Variants in SLC44A4 observed in about 807,000 individuals in gnomAD.
SLC44A4 encodes choline transporter-like protein 4.
Under a neutral mutation model 97.0 loss-of-function variants are expected in SLC44A4, and 74 were observed. The observed-to-expected ratio is 0.76, with a 90% CI of 0.63 to 0.93. The LOEUF (loss-of-function observed/expected upper bound fraction) is 0.93. Among genes scored for constraint, SLC44A4 ranks in the 40% least tolerant of loss-of-function variants. The probability of loss-of-function intolerance (pLI) is 0.00; values close to 1 mark genes in which losing one functional copy is unlikely to be tolerated. For missense variants in SLC44A4, 799 were observed against 902.9 expected (o/e 0.88, Z 1.48); for synonymous variants, 325 against 363.8 (o/e 0.89, Z 1.21).
Position 31,877,528 on chromosome 6 carries a change from G to T in SLC44A4, c.41-446C>A. On this transcript the variant is annotated intron_variant, in intron 1 of 20. Transcript: ENST00000229729. This position sits in a 1 kb window ranked among gnomAD's most constrained non-coding sequence, Gnocchi z 6.5. ...CCCACAGCCCCTCAGGGAGGTCATG[G>T]CCTCTTCCCCTATCTGCCCCAGGCC... is the stretch of plus-strand genomic sequence containing the variant. 1 of 908,376 alleles carries T rather than the reference G, an allele frequency of 1.1e-6. No individual in the cohort carries two copies. The highest frequency in any genetic ancestry group is 1.3e-6 in the Non-Finnish European group (1 of 753,796). 56.3% of individuals were successfully genotyped at this position (908,376 alleles called of 1,614,324 possible). A position where few individuals can be genotyped will look rare whatever the true frequency, so the allele number is the denominator to read the frequency against.
At chr6:31,871,227 G>T in intron 9 of SLC44A4, 87 bp downstream of exon 9, 2 of 1,405,688 alleles carry the variant, frequency 1.4e-6, no homozygotes, top group Non-Finnish European at 1.0e-6. Context: ...TCTGTCCAAA[G>T]CCTGTGTTTC....
rs912342493 is a variant in SLC44A4, at chr6:31,875,853, T to C, written c.241A>G (p.Lys81Glu). 1 of 1,608,918 alleles carries C rather than the reference T, an allele frequency of 6.2e-7. No individual in the cohort carries two copies. Among genetic ancestry groups the C allele is most frequent in the Non-Finnish European group, 8.5e-7 (1 of 1,177,102 alleles). Residue 81 changes from lysine (K) to glutamate (E), a missense_variant and splice_region_variant, in exon 4 of 21, where the codon AAA becomes GAA. By Grantham distance (56) the Lys-to-Glu change is moderately conservative (BLOSUM62 1). This residue lies in a region of SLC44A4 where 409 missense variants were observed against 434.1 expected (regional missense o/e 0.94). Transcript: ENST00000229729. ...TCCTCTTCTCGCCTTTGTACTCACT[T>C]GTTCTCCCCCATGCCACAGTAGGCC... ...TGAYCGMGENKDKPYLLYFNI... is the reference protein window; with the variant it reads ...TGAYCGMGENEDKPYLLYFNI...
chr6:31,875,186 A>C (rs1018499709), intron 4 of SLC44A4, among the ~76,000 whole-genome samples, 158 bp from the exon 5 acceptor site: 7 of 152,298 alleles, frequency 4.6e-5, no homozygotes, highest in Non-Finnish European at 8.8e-5. Flanking sequence ...CTGGGGAGGT[A>C]GGGAGATGCC....
intron 13 of SLC44A4, among the ~76,000 whole-genome samples, chr6:31,868,563 A>G (rs1324282568): frequency 2.0e-5 from 3 of 152,256 alleles, no homozygotes; most frequent in East Asian, 3.9e-4. Context: ...TTGCTTGGGT[A>G]CCTGACTACA....
rs1319071524 is a variant in SLC44A4, at chr6:31,864,677, A to G, written c.1986T>C (p.Cys662=). The change falls in exon 20 of 21, where the codon TGT becomes TGC. Residue 662 remains cysteine (C), a synonymous_variant. Transcript: ENST00000229729. ...ASGFFSVFGM[C]VDTLFLCFLE... is the part of the protein sequence containing the mutation. ...GGAAGCAGAGGAAGAGCGTGTCCAC[A>G]CACATGCCGAAAACGCTGAAGAAGC... The G allele has an allele frequency of 6.2e-6, 10 of 1,613,844 alleles. No homozygotes were observed. Among genetic ancestry groups the G allele is most frequent in the Non-Finnish European group, 8.5e-6 (10 of 1,179,996 alleles).
At chr6:31,872,721 G>A (rs1763239098) in intron 7 of SLC44A4, among the ~76,000 whole-genome samples, 1 of 152,178 alleles carries the variant, frequency 6.6e-6, no homozygotes. Flanking sequence ...TAAAGATGAG[G>A]AAACAAGGTT....
chr6:31,869,065 G>T, intron 13 of SLC44A4, 90 bp downstream of exon 13: 4 of 1,078,704 alleles, frequency 3.7e-6, no homozygotes, highest in South Asian at 1.7e-5. Context: ...GCCCTCTGTG[G>T]CCTCAGTCTT....
chr6:31,865,247 C>G lies in SLC44A4; in HGVS notation c.1760+68G>C. ...CTAGGGCCCGACTGAGCACAGCACA[C>G]CCACGAAGCCAGCCTTGGGTGGGAG... is the stretch of plus-strand genomic sequence containing the variant. On this transcript the variant is annotated intron_variant, in intron 17 of 20. Coordinates refer to ENST00000229729, the MANE Select transcript of SLC44A4 (RefSeq NM_025257.3). The surrounding 1 kb of genome is among the most constrained non-coding windows in gnomAD (Gnocchi z 5.2). The G allele has an allele frequency of 6.3e-7, 1 of 1,588,912 alleles. No individual in the cohort carries two copies. The highest frequency in any genetic ancestry group is 8.6e-7 in the Non-Finnish European group (1 of 1,157,226).
In SLC44A4 at chr6:31,878,768, C is replaced by G. The variant is rs560929303; in HGVS notation, c.40+173G>C. ...AACAGCCCCAGCCCCCGGGCCCCAT[C>G]CTCCTCCCAGGACCCTGACTCCCTC... On this transcript the variant is annotated intron_variant, in intron 1 of 20. Transcript: ENST00000229729. This position sits in a 1 kb window ranked among gnomAD's most constrained non-coding sequence, Gnocchi z 4.0. 6.6e-6 allele frequency among the ~76,000 whole-genome samples: 1 copy of G among 152,076 alleles called. No homozygotes were observed. The highest frequency in any genetic ancestry group is 2.4e-5 in the African/African-American group (1 of 41,424).
At position 31,877,395 on chromosome 6, in the gene SLC44A4, C is replaced by T. The variant is rs184278535; in HGVS notation, c.41-313G>A. ...CTTGGTCCCCTGCCCTACCCTGGCACGGTTCTCCTGAGTCTCCCTTTAGCT... is the reference window on the plus strand; with the variant it reads ...CTTGGTCCCCTGCCCTACCCTGGCATGGTTCTCCTGAGTCTCCCTTTAGCT... On this transcript the variant is annotated intron_variant, in intron 1 of 20. Transcript: ENST00000229729. This position sits in a 1 kb window ranked among gnomAD's most constrained non-coding sequence, Gnocchi z 6.5. Among the ~76,000 whole-genome samples, 13 of 152,172 alleles carry T rather than the reference C, an allele frequency of 8.5e-5. No individual in the cohort carries two copies. Among genetic ancestry groups the T allele is most frequent in the Non-Finnish European group, 1.8e-4 (12 of 67,978 alleles).
chr6:31,864,138 A>C (rs1762706794), intron 20 of SLC44A4, among the ~76,000 whole-genome samples: 1 of 151,776 alleles, frequency 6.6e-6, no homozygotes, highest in Admixed American at 6.6e-5. Context: ...GCAGTAGCGC[A>C]ATCTCGGCTC....
chr6:31,873,310 G>A (rs946354295), intron 7 of SLC44A4, among the ~76,000 whole-genome samples: 2 of 152,098 alleles, frequency 1.3e-5, no homozygotes, highest in African/African-American at 4.8e-5. Flanking sequence ...AGCCTCCTGA[G>A]TAGCTGGGAT....
In SLC44A4 at chr6:31,863,588, G is replaced by A. The variant is rs1339863811; in HGVS notation, c.*39C>T. On this transcript the variant is annotated 3_prime_UTR_variant, in exon 21 of 21. Transcript: ENST00000229729. Reference sequence around the variant, plus strand: ...CGAAGTGAGGTTGGATGGCTGGACGGTGGGGGTGGGGTGCAGTCCTGGATC... The same window carrying A: ...CGAAGTGAGGTTGGATGGCTGGACGATGGGGGTGGGGTGCAGTCCTGGATC... 1.9e-6 allele frequency: 3 copies of A among 1,576,586 alleles called. No individual in the cohort carries two copies. In the Admixed American group the frequency reaches 5.7e-5, roughly 30 times the overall value.
At position 31,874,331 on chromosome 6, in the gene SLC44A4, C is replaced by G. The variant is rs1220861189; in HGVS notation, c.529+129G>C. 2.1e-6 allele frequency: 2 copies of G among 968,560 alleles called. No individual in the cohort carries two copies. The highest frequency in any genetic ancestry group is 3.2e-6 in the Non-Finnish European group (2 of 617,118). 60.0% of individuals were successfully genotyped at this position (968,560 alleles called of 1,614,324 possible). A position where few individuals can be genotyped will look rare whatever the true frequency, so the allele number is the denominator to read the frequency against. On this transcript the variant is annotated intron_variant, in intron 7 of 20. Transcript: ENST00000229729. The surrounding 1 kb of genome is among the most constrained non-coding windows in gnomAD (Gnocchi z 4.8). ...CACATAACAAAGAGCAAAATGAAGA[C>G]CTGATGCTAATTCCAATTTTGCCAC...
At chr6:31,875,253 T>C (rs1763384122) in intron 4 of SLC44A4, among the ~76,000 whole-genome samples, 1 of 152,146 alleles carries the variant, frequency 6.6e-6, no homozygotes, top group African/African-American at 2.4e-5. Flanking sequence ...GCTCAGAGCA[T>C]GAACTTGGAG....
In SLC44A4 at chr6:31,874,255, G is replaced by A. The variant is rs575982898; in HGVS notation, c.529+205C>T. ...GTTGTTATCCCTGCCTCTGTCCCCA[G>A]CACCTGGCACATAGTAGGTCCCCAA... is the stretch of plus-strand genomic sequence containing the variant. On this transcript the variant is annotated intron_variant, in intron 7 of 20. Transcript: ENST00000229729. This position sits in a 1 kb window ranked among gnomAD's most constrained non-coding sequence, Gnocchi z 4.8. Among the ~76,000 whole-genome samples, 1 of 152,162 alleles carries A rather than the reference G, an allele frequency of 6.6e-6. No homozygotes were observed. Among genetic ancestry groups the A allele is most frequent in the African/African-American group, 2.4e-5 (1 of 41,430 alleles).
chr6:31,865,995 G>A lies in SLC44A4; in HGVS notation c.1365C>T (p.Asn455=), dbSNP rs755737396. The part of the protein sequence containing the change: ...YGVLGLFWTL[N]WVLALGQCVL... ...CGCATTGGCCCAGGGCCAGTACCCAGTTAAGGGTCCAGAAGAGCCCCAGGA... is the reference window on the plus strand; with the variant it reads ...CGCATTGGCCCAGGGCCAGTACCCAATTAAGGGTCCAGAAGAGCCCCAGGA... The change falls in exon 14 of 21, where the codon AAC becomes AAT. Residue 455 remains asparagine (N), a synonymous_variant. Transcript: ENST00000229729. This position sits in a 1 kb window ranked among gnomAD's most constrained non-coding sequence, Gnocchi z 5.2. 1.9e-6 allele frequency: 3 copies of A among 1,614,130 alleles called. No individual in the cohort carries two copies. Among genetic ancestry groups the A allele is most frequent in the African/African-American group, 1.3e-5 (1 of 74,940 alleles).
Position 31,876,108 on chromosome 6 carries a change from G to A in SLC44A4, c.111C>T (p.Cys37=), listed in dbSNP as rs933210156. ...IKNRSCTDVI[C]CVLFLLFILG... ...GAATGAAGAGCAGGAAGAGGACGCAGCAGATGACATCTGTGCAGCTTCTGA... is the reference window on the plus strand; with the variant it reads ...GAATGAAGAGCAGGAAGAGGACGCAACAGATGACATCTGTGCAGCTTCTGA... The change falls in exon 3 of 21, where the codon TGC becomes TGT. Residue 37 remains cysteine (C), a synonymous_variant. Coordinates refer to ENST00000229729, the MANE Select transcript of SLC44A4 (RefSeq NM_025257.3). The surrounding 1 kb of genome is among the most constrained non-coding windows in gnomAD (Gnocchi z 4.8). 2.5e-5 allele frequency: 40 copies of A among 1,613,866 alleles called. No individual in the cohort carries two copies. In the Admixed American group the frequency reaches 6.7e-4, roughly 27 times the overall value.
rs762227141 is a variant in SLC44A4 at position 31,865,836 on chromosome 6, C to G, written c.1487+37G>C. On this transcript the variant is annotated intron_variant, in intron 14 of 20. Transcript: ENST00000229729. The surrounding 1 kb of genome is among the most constrained non-coding windows in gnomAD (Gnocchi z 5.2). ...ACAGCTCCAGGACCCCTGGGGCCCC[C>G]GTGCCTACAATGACCAGGCCCCTGC... The G allele has an allele frequency of 1.9e-6, 3 of 1,613,770 alleles. No homozygotes were observed. In the South Asian group the frequency reaches 3.3e-5, roughly 18 times the overall value.
Sources: gnomAD v4.1 joint callset for allele counts (sites outside exome capture counted in the v4.1 genomes callset) on GRCh38, gnomAD v4.1.1 for gene constraint, gnomAD v4.1.1 regional missense constraint, Gnocchi (gnomAD v3.1) non-coding constraint, MANE v1.5 for transcripts, NCBI Gene and HGNC (gene_info 2026-07-23, HGNC 2026-07-21) for gene names.